PDE4D: variants seen among roughly 807,000 people sequenced by gnomAD.
PDE4D encodes 3',5'-cyclic-AMP phosphodiesterase 4D.
A neutral mutation model predicts 87.4 loss-of-function variants in PDE4D; 24 were observed. The ratio of observed to expected loss-of-function variants is 0.27; its 90% CI spans 0.20 to 0.39. PDE4D has a LOEUF of 0.39. Among genes scored for constraint, PDE4D ranks in the 10% least tolerant of loss-of-function variants. The pLI is 1.00. For missense variants in PDE4D, 714 were observed against 1,041.0 expected (o/e 0.69, Z 4.32); for synonymous variants, 384 against 383.2 (o/e 1.00, Z -0.02).
chr5:60,064,946 A>G (rs1442260415), intron 2 of PDE4D, among the ~76,000 whole-genome samples: 1 of 152,160 alleles, frequency 6.6e-6, no homozygotes, highest in African/African-American at 2.4e-5. Flanking sequence ...CTTGACTGCA[A>G]AAGAGTAGGA....
intron 1 of PDE4D, among the ~76,000 whole-genome samples, chr5:59,222,463 CA>C (rs1399314564): frequency 6.6e-6 from 1 of 152,084 alleles, no homozygotes; most frequent in African/African-American, 2.4e-5. Flanking sequence ...GTATGAAGCC[CA>C]AAGTGGGTGG....
chr5:59,779,511 G>A (rs1764400260), intron 1 of PDE4D, among the ~76,000 whole-genome samples: 5 of 152,064 alleles, frequency 3.3e-5, no homozygotes, highest in Admixed American at 3.3e-4. Flanking sequence ...GTGGCTAGTG[G>A]CTACCATAGA....
At chr5:59,119,764 C>T (rs1041822391) in intron 5 of PDE4D, among the ~76,000 whole-genome samples, 1 of 152,166 alleles carries the variant, frequency 6.6e-6, no homozygotes, top group Non-Finnish European at 1.5e-5. Flanking sequence ...AATTCCACTA[C>T]CTTTCCCACT....
chr5:60,415,008 G>A (rs536877348), intron 1 of PDE4D, among the ~76,000 whole-genome samples: 1 of 152,368 alleles, frequency 6.6e-6, no homozygotes, highest in African/African-American at 2.4e-5. Context: ...CAAGCTAGAT[G>A]CCAGTACCTT....
intron 1 of PDE4D, among the ~76,000 whole-genome samples, chr5:59,232,939 T>C (rs919237444): frequency 6.6e-6 from 1 of 152,008 alleles, no homozygotes; most frequent in East Asian, 1.9e-4. Context: ...AAGCCAGGCA[T>C]AGAAACACAA....
At chr5:60,232,001 T>C (rs534990829) in intron 1 of PDE4D, among the ~76,000 whole-genome samples, 1 of 152,064 alleles carries the variant, frequency 6.6e-6, no homozygotes, top group South Asian at 2.1e-4. Context: ...TTTAATAAAT[T>C]CCCTCTAATC....
At chr5:60,034,693 C>A (rs377063734) in intron 2 of PDE4D, among the ~76,000 whole-genome samples, 1 of 152,212 alleles carries the variant, frequency 6.6e-6, no homozygotes, top group Non-Finnish European at 1.5e-5. Context: ...CAGACTACCA[C>A]AGGCAGTAAT....
chr5:59,530,136 A>C (rs1813933217), intron 1 of PDE4D, among the ~76,000 whole-genome samples: 1 of 152,188 alleles, frequency 6.6e-6, no homozygotes, highest in Non-Finnish European at 1.5e-5. Context: ...CCCATGAAGC[A>C]CCATTGCAGA....
intron 11 of PDE4D, among the ~76,000 whole-genome samples, 176 bp downstream of exon 11, chr5:58,988,316 AG>A (rs1746978897): frequency 6.6e-6 from 1 of 152,240 alleles, no homozygotes; most frequent in Non-Finnish European, 1.5e-5. Context: ...ACATGCCTCA[AG>A]GGATATAATG....
At chr5:60,326,922 G>C (rs1009721427) in intron 1 of PDE4D, among the ~76,000 whole-genome samples, 1 of 152,080 alleles carries the variant, frequency 6.6e-6, no homozygotes, top group Non-Finnish European at 1.5e-5. Flanking sequence ...ACAGTAAAAA[G>C]TTCCCAGGCT....
chr5:59,837,897 T>C (rs1306128753), intron 1 of PDE4D, among the ~76,000 whole-genome samples: 1 of 152,112 alleles, frequency 6.6e-6, no homozygotes, highest in Non-Finnish European at 1.5e-5. Context: ...AGCTTATCAG[T>C]TGTATGCATG....
At chr5:59,174,046 C>T (rs1783435022) in intron 5 of PDE4D, among the ~76,000 whole-genome samples, 1 of 152,168 alleles carries the variant, frequency 6.6e-6, no homozygotes, top group Admixed American at 6.5e-5. Context: ...TAGTTTCTTT[C>T]ATTCGATAAG....
intron 5 of PDE4D, among the ~76,000 whole-genome samples, chr5:59,136,281 A>C (rs10059053): frequency 0.16 from 24,990 of 152,112 alleles, 2,516 homozygotes; most frequent in Middle Eastern, 0.22. Context: ...TGTGTATAGA[A>C]ATACAAGCAT....
intron 1 of PDE4D, chr5:59,529,284 C>CA: frequency 5.6e-6 from 2 of 355,440 alleles, no homozygotes; most frequent in Non-Finnish European, 1.1e-5. Context: ...AAGGATCTTG[C>CA]TTAAATAAAT....
At chr5:59,762,717 G>A (rs1762276634) in intron 1 of PDE4D, among the ~76,000 whole-genome samples, 1 of 147,036 alleles carries the variant, frequency 6.8e-6, no homozygotes, top group African/African-American at 2.5e-5. Context: ...TATGTATATA[G>A]GTTCATATAG....
At chr5:59,932,900 A>T (rs1756128750) in intron 3 of PDE4D, among the ~76,000 whole-genome samples, 1 of 152,218 alleles carries the variant, frequency 6.6e-6, no homozygotes, top group South Asian at 2.1e-4. Context: ...AAATTTCTAC[A>T]TTCCAATTTT....
At chr5:59,174,636 A>G (rs2153474867) in intron 5 of PDE4D, among the ~76,000 whole-genome samples, 1 of 152,346 alleles carries the variant, frequency 6.6e-6, no homozygotes, top group East Asian at 1.9e-4. Context: ...TCAAGCTCAT[A>G]TACAAATAAT....
chr5:59,291,946 G>C (rs1179696166), intron 1 of PDE4D, among the ~76,000 whole-genome samples: 2 of 151,808 alleles, frequency 1.3e-5, no homozygotes, highest in East Asian at 3.9e-4. Context: ...TGTGTTCTCT[G>C]TGTTCTTAAA....
chr5:59,360,181 G>A (rs1181292227), intron 1 of PDE4D, among the ~76,000 whole-genome samples: 1 of 152,128 alleles, frequency 6.6e-6, no homozygotes, highest in East Asian at 1.9e-4. Context: ...TTGAGAGTGG[G>A]ATAAGTTAAA....
Sources: gnomAD v4.1 joint callset for allele counts (sites outside exome capture counted in the v4.1 genomes callset) on GRCh38, gnomAD v4.1.1 for gene constraint, MANE v1.5 for transcripts, NCBI Gene and HGNC (gene_info 2026-07-23, HGNC 2026-07-21) for gene names.